PLA2G10: variants seen among roughly 807,000 people sequenced by gnomAD.
PLA2G10 encodes the protein group 10 secretory phospholipase A2.
Under a neutral mutation model 7.9 loss-of-function variants are expected in PLA2G10, and 9 were observed. That is an observed-to-expected ratio of 1.14 (90% confidence interval 0.68 to 1.98). The LOEUF is 1.98. PLA2G10 is among the 30% of genes most tolerant of loss of function. PLA2G10 has a pLI of 0.00. For missense variants in PLA2G10, 53 were observed against 65.4 expected (o/e 0.81, Z 0.66); for synonymous variants, 19 against 27.5 (o/e 0.69, Z 0.97).
chr16:14,685,468 T>A (rs1285239954), intron 3 of PLA2G10, among the ~76,000 whole-genome samples: 1 of 151,694 alleles, frequency 6.6e-6, no homozygotes, highest in African/African-American at 2.4e-5. Flanking sequence ...TTATATGAAA[T>A]ATCTAGACAG....
chr16:14,679,679 T>A (rs866095346), intron 3 of PLA2G10, among the ~76,000 whole-genome samples: 1,704 of 145,966 alleles, frequency 0.012, 20 homozygotes, highest in African/African-American at 0.027. Flanking sequence ...AAAAAAATAA[T>A]AATAATAATA....
chr16:14,687,382 G>A (rs1961114538), intron 3 of PLA2G10, among the ~76,000 whole-genome samples: 1 of 146,646 alleles, frequency 6.8e-6, no homozygotes, highest in African/African-American at 2.5e-5. Context: ...AGGCTGGAGT[G>A]CTGTGACTCG....
At chr16:14,676,393 TGTGGTGGCTGG>T (rs1235452561) in intron 3 of PLA2G10, among the ~76,000 whole-genome samples, 1 of 151,956 alleles carries the variant, frequency 6.6e-6, no homozygotes, top group Non-Finnish European at 1.5e-5. Context: ...ATAAAGAAAA[TGTGGTGGCTGG>T]GTGCAGTGGC....
intron 3 of PLA2G10, among the ~76,000 whole-genome samples, chr16:14,682,561 G>C (rs1054364770): frequency 6.6e-6 from 1 of 152,102 alleles, no homozygotes; most frequent in East Asian, 1.9e-4. Flanking sequence ...GGGCTACAGA[G>C]TAAGACTCTG....
intron 3 of PLA2G10, among the ~76,000 whole-genome samples, chr16:14,682,616 T>TA (rs1680290910): frequency 6.6e-6 from 1 of 152,124 alleles, no homozygotes; most frequent in South Asian, 2.1e-4. Context: ...TAATAACGCT[T>TA]ACAATAGCCT....
chr16:14,679,428 G>A (rs4780753), intron 3 of PLA2G10, among the ~76,000 whole-genome samples: 98,793 of 151,732 alleles, frequency 0.65, 33,579 homozygotes, highest in Admixed American at 0.76. Context: ...TTGGGAGGCC[G>A]AGGCGGGCAG....
chr16:14,674,423 G>T (rs1960671188), intron 3 of PLA2G10, among the ~76,000 whole-genome samples: 1 of 152,106 alleles, frequency 6.6e-6, no homozygotes, highest in Non-Finnish European at 1.5e-5. Context: ...AGCCAAATAG[G>T]CTGGGCACAG....
intron 3 of PLA2G10, among the ~76,000 whole-genome samples, chr16:14,682,180 T>C (rs1960910672): frequency 6.6e-6 from 1 of 152,160 alleles, no homozygotes; most frequent in Non-Finnish European, 1.5e-5. Flanking sequence ...GATAGATACC[T>C]GGGGCATGTT....
chr16:14,683,333 A>T (rs1960946830), intron 3 of PLA2G10, among the ~76,000 whole-genome samples: 1 of 151,454 alleles, frequency 6.6e-6, no homozygotes, highest in Admixed American at 6.6e-5. Flanking sequence ...CCCAGGTTCA[A>T]GCAATTCTCC....
intron 3 of PLA2G10, among the ~76,000 whole-genome samples, chr16:14,679,713 T>G (rs1480210717): frequency 2.6e-5 from 4 of 151,372 alleles, no homozygotes. Context: ...TAGCTCAGCA[T>G]GGTGGCACGT....
At chr16:14,681,891 T>C (rs1287131259) in intron 3 of PLA2G10, among the ~76,000 whole-genome samples, 1 of 151,578 alleles carries the variant, frequency 6.6e-6, no homozygotes, top group African/African-American at 2.4e-5. Flanking sequence ...AAGGAAAGAT[T>C]TTCAACAGAT....
In PLA2G10 at chr16:14,681,289, G is replaced by A. The variant is rs575162086; in HGVS notation, c.355+6876C>T. 8.5e-5 allele frequency among the ~76,000 whole-genome samples: 13 copies of A among 152,180 alleles called. No individual in the cohort carries two copies. In the East Asian group the frequency reaches 1.7e-3, roughly 20 times the overall value. On this transcript the variant is annotated intron_variant, in intron 3 of 3. Transcript: ENST00000438167. ...ATGCTCACACAACCCCAGCAACTCT[G>A]GTCTGTTATTCCCATTTTACAGATG... is the stretch of plus-strand genomic sequence containing the variant.
intron 3 of PLA2G10, among the ~76,000 whole-genome samples, chr16:14,684,547 T>C (rs1189042881): frequency 6.6e-6 from 1 of 151,592 alleles, no homozygotes; most frequent in Non-Finnish European, 1.5e-5. Flanking sequence ...GCACCTGAAA[T>C]CCCAGCTACT....
chr16:14,684,508 A>G (rs1960994150), intron 3 of PLA2G10, among the ~76,000 whole-genome samples: 1 of 151,964 alleles, frequency 6.6e-6, no homozygotes, highest in Non-Finnish European at 1.5e-5. Context: ...TCTACTAAAA[A>G]TACAAAAATT....
In PLA2G10 at chr16:14,676,369, C is replaced by G. The variant is rs556591156; in HGVS notation, c.356-3620G>C. ...ATATAGAACCAACCTAAGTGCCCAT[C>G]AACCAATGAGCAGATAAAGAAAATG... On this transcript the variant is annotated intron_variant, in intron 3 of 3. Transcript: ENST00000438167. Among the ~76,000 whole-genome samples, 4 of 152,322 alleles carry G rather than the reference C, an allele frequency of 2.6e-5. No homozygotes were observed. The East Asian group carries it at 7.7e-4, about 29-fold the overall frequency.
intron 3 of PLA2G10, among the ~76,000 whole-genome samples, chr16:14,681,776 C>A (rs1406933078): frequency 6.6e-6 from 1 of 151,646 alleles, no homozygotes; most frequent in Non-Finnish European, 1.5e-5. Context: ...TCAGAGAAGA[C>A]AGTTCTGTAA....
chr16:14,683,047 C>A (rs1254805546), intron 3 of PLA2G10, among the ~76,000 whole-genome samples: 1 of 151,850 alleles, frequency 6.6e-6, no homozygotes, highest in African/African-American at 2.4e-5. Flanking sequence ...TCAGCCTGGG[C>A]GACAGAGCAA....
chr16:14,674,236 T>C (rs768312104), intron 3 of PLA2G10, among the ~76,000 whole-genome samples: 43 of 152,038 alleles, frequency 2.8e-4, no homozygotes, highest in Non-Finnish European at 5.3e-4. Flanking sequence ...AAATCATAGA[T>C]GACACAAACA....
At position 14,683,012 on chromosome 16, in the gene PLA2G10, T is replaced by G. The variant is rs572707628; in HGVS notation, c.355+5153A>C. 4.5e-3 allele frequency among the ~76,000 whole-genome samples: 689 copies of G among 152,180 alleles called. 3 individuals are homozygous for G. The highest frequency in any genetic ancestry group is 5.2e-3 in the Non-Finnish European group (355 of 67,998). ...TCAACCCAGGAGGCAGAGTTTGCAG[T>G]GGGCAGAGATCGTGCCACTGCACTT... On this transcript the variant is annotated intron_variant, in intron 3 of 3. Coordinates refer to ENST00000438167, the MANE Select transcript of PLA2G10 (RefSeq NM_003561.3).
Sources: gnomAD v4.1 joint callset for allele counts (sites outside exome capture counted in the v4.1 genomes callset) on GRCh38, gnomAD v4.1.1 for gene constraint, MANE v1.5 for transcripts, NCBI Gene and HGNC (gene_info 2026-07-23, HGNC 2026-07-21) for gene names.